The following NLRP14 variants were observed in gnomAD, a reference collection of about 807,000 sequenced individuals.
The protein encoded by NLRP14 is NACHT, LRR and PYD domains-containing protein 14.
Under a neutral mutation model 94.7 loss-of-function variants are expected in NLRP14, and 105 were observed. The observed-to-expected ratio is 1.11, with a 90% CI of 0.95 to 1.30. The LOEUF (loss-of-function observed/expected upper bound fraction) is 1.30. Among genes scored for constraint, NLRP14 ranks in the 50% most tolerant of loss-of-function variants. NLRP14 has a pLI of 0.00. For synonymous variants in NLRP14, 508 were observed against 459.9 expected (o/e 1.10, Z -1.34); for missense variants, 1,362 against 1,254.1 (o/e 1.09, Z -1.30).
At chr11:7,072,008 C>T (rs1308087777), downstream of NLRP14, among the ~76,000 whole-genome samples, 3 of 152,158 alleles carry the variant, frequency 2.0e-5, no homozygotes, top group Admixed American at 6.5e-5. Context: ...GAAACAGATT[C>T]TTTCATTTGG....
rs1264209534 is a variant in NLRP14 at position 7,046,773 on chromosome 11, A to G, written c.2064A>G (p.Ser688=). 4 of 1,613,666 alleles carry G rather than the reference A, an allele frequency of 2.5e-6. No homozygotes were observed. The highest frequency in any genetic ancestry group is 3.4e-6 in the Non-Finnish European group (4 of 1,179,548). Reference sequence around the variant, plus strand: ...TGTACCATAGCAACCTTGATAAATCAGCAATGAATATCCTGCATCATGAAC... The same window carrying G: ...TGTACCATAGCAACCTTGATAAATCGGCAATGAATATCCTGCATCATGAAC... ...LDLYHSNLDK[S]AMNILHHELR... Residue 688 remains serine, a synonymous_variant, in exon 5 of 12, where the codon TCA becomes TCG. Transcript: ENST00000299481.
Position 7,062,488 on chromosome 11 carries a change from A to G in NLRP14, c.2960A>G (p.Asn987Ser), listed in dbSNP as rs748490001. 6.2e-7 allele frequency: 1 copy of G among 1,613,004 alleles called. No individual in the cohort carries two copies. Among genetic ancestry groups the G allele is most frequent in the South Asian group, 1.1e-5 (1 of 91,066 alleles). ...LCDALRYPNC[N>S]IQRLGLEYCG... ...GATGCTTTGAGATATCCAAACTGTA[A>G]CATTCAGAGGCTCGGGTGAGTTCAT... The change falls in exon 10 of 12, where the codon AAC becomes AGC. Residue 987 changes from asparagine to serine, a missense_variant. By Grantham distance (46) the Asn-to-Ser change is conservative. Coordinates refer to ENST00000299481, the MANE Select transcript of NLRP14 (RefSeq NM_176822.4).
intron 6 of NLRP14, among the ~76,000 whole-genome samples, chr11:7,052,632 T>TA (rs200340101): frequency 8.6e-5 from 13 of 150,952 alleles, no homozygotes; most frequent in South Asian, 4.2e-4. Context: ...AGACTGTGTT[T>TA]AAAAAAAAAC....
In NLRP14 at chr11:7,071,171, A is replaced by G; in HGVS notation, c.3147-2A>G. ...AAAAGAGATGTTCCCTTGTTTTCTCAGGTTGTGCAAAGAGGCATTTGATGA... is the reference window on the plus strand; with the variant it reads ...AAAAGAGATGTTCCCTTGTTTTCTCGGGTTGTGCAAAGAGGCATTTGATGA... On this transcript the variant is annotated splice_acceptor_variant, in intron 11 of 11. Transcript: ENST00000299481. LOFTEE classifies it high-confidence loss of function. The G allele has an allele frequency of 3.1e-6, 5 of 1,613,818 alleles. No individual in the cohort carries two copies. The highest frequency in any genetic ancestry group is 2.2e-5 in the East Asian group (1 of 44,852).
chr11:7,075,940 A>G (rs1269774468), downstream of NLRP14, among the ~76,000 whole-genome samples: 2 of 152,140 alleles, frequency 1.3e-5, no homozygotes, highest in African/African-American at 4.8e-5. Flanking sequence ...TTGAGAGCTC[A>G]TCTCTCCTGC....
the NLRP14 span, chr11:7,090,219 C>T: frequency 4.3e-6 from 7 of 1,611,840 alleles, no homozygotes; most frequent in East Asian, 6.7e-5. Context: ...TTCTTACAGC[C>T]GGTCAGGCTG....
In NLRP14 at chr11:7,039,771, A is replaced by G; in HGVS notation, c.347A>G (p.Gln116Arg). Residue 116 changes from glutamine to arginine, a missense_variant, in exon 3 of 12, where the codon CAG becomes CGG. Physicochemically the swap from Gln to Arg is conservative, Grantham distance 43. Transcript: ENST00000299481. Reference sequence around the variant, plus strand: ...AAGGCTGGAGAGACACAAGAAGATCAGGAGGCAGTGCTGGGTGAGTAGTTA... The same window carrying G: ...AAGGCTGGAGAGACACAAGAAGATCGGGAGGCAGTGCTGGGTGAGTAGTTA... The part of the protein sequence containing the change: ...DAKAGETQED[Q>R]EAVLGDGTEY... The G allele has an allele frequency of 6.2e-7, 1 of 1,613,776 alleles. No individual in the cohort carries two copies. Among genetic ancestry groups the G allele is most frequent in the African/African-American group, 1.3e-5 (1 of 75,056 alleles).
chr11:7,061,158 A>T (rs1404327984), intron 9 of NLRP14, among the ~76,000 whole-genome samples: 1 of 152,034 alleles, frequency 6.6e-6, no homozygotes, highest in African/African-American at 2.4e-5. Context: ...TAAACTTCCA[A>T]ATGAGTTTAA....
Position 7,062,391 on chromosome 11 carries a change from A to G in NLRP14, c.2863A>G (p.Asn955Asp). 1 of 1,613,188 alleles carries G rather than the reference A, an allele frequency of 6.2e-7. No homozygotes were observed. ...CCLDLASVILNNPNLRSLDLG... is the reference protein window; with the variant it reads ...CCLDLASVILDNPNLRSLDLG... Reference sequence around the variant, plus strand: ...TCTGGATCTGGCTTCTGTTATTTTGAATAACCCAAACCTGAGGAGCCTGGA... The same window carrying G: ...TCTGGATCTGGCTTCTGTTATTTTGGATAACCCAAACCTGAGGAGCCTGGA... Residue 955 changes from asparagine (N) to aspartate (D), a missense_variant, in exon 10 of 12, where the codon AAT becomes GAT. Coordinates refer to ENST00000299481, the MANE Select transcript of NLRP14 (RefSeq NM_176822.4).
chr11:7,025,662 G>A (rs78927000), intron 1 of NLRP14, among the ~76,000 whole-genome samples: 11 of 152,192 alleles, frequency 7.2e-5, no homozygotes, highest in Non-Finnish European at 1.6e-4. Flanking sequence ...TCTGTGAGGT[G>A]AGTAAAAAAA....
At chr11:7,071,904 C>T (rs1852806041), downstream of NLRP14, among the ~76,000 whole-genome samples, 1 of 152,080 alleles carries the variant, frequency 6.6e-6, no homozygotes, top group Non-Finnish European at 1.5e-5. Context: ...AAATGGGAGT[C>T]TACTTCTACA....
intron 10 of NLRP14, among the ~76,000 whole-genome samples, chr11:7,069,636 A>T (rs1005330099): frequency 7.3e-5 from 11 of 151,450 alleles, no homozygotes; most frequent in Admixed American, 2.0e-4. Flanking sequence ...ATTTTATTTT[A>T]TTTTTTTTGA....
At chr11:7,041,357 T>A (rs972678389) in intron 3 of NLRP14, among the ~76,000 whole-genome samples, 8 of 152,160 alleles carry the variant, frequency 5.3e-5, no homozygotes, top group Non-Finnish European at 1.2e-4. Flanking sequence ...AATCCTACTA[T>A]TCAGAAATAA....
chr11:7,042,955 C>G lies in NLRP14; in HGVS notation c.929C>G (p.Thr310Arg). The change falls in exon 4 of 12, where the codon ACA becomes AGA. Residue 310 changes from threonine to arginine, a missense_variant. Coordinates refer to ENST00000299481, the MANE Select transcript of NLRP14 (RefSeq NM_176822.4). ...EASLLVTTRL[T>R]TSKRLKQLLK... ...TCCTTATTGGTGACAACAAGACTCA[C>G]AACTTCTAAGAGACTAAAGCAGTTG... 1.2e-6 allele frequency: 2 copies of G among 1,614,114 alleles called. No homozygotes were observed. The highest frequency in any genetic ancestry group is 1.7e-6 in the Non-Finnish European group (2 of 1,179,982).
In NLRP14 at chr11:7,040,302, C is replaced by G. The variant is rs551911688; in HGVS notation, c.361+517C>G. Among the ~76,000 whole-genome samples the G allele has an allele frequency of 1.6e-4, 24 of 152,310 alleles. No homozygotes were observed. In the South Asian group the frequency reaches 4.8e-3, roughly 30 times the overall value. On this transcript the variant is annotated intron_variant, in intron 3 of 11. Transcript: ENST00000299481. ...ATAGCAGGAGGTGAGTGGTAGGCCA[C>G]GGGAGCTTTACCACCTGAGCTTCGC...
In NLRP14 at chr11:7,043,843, C is replaced by T. The variant is rs948774395; in HGVS notation, c.1817C>T (p.Ala606Val). The T allele has an allele frequency of 6.2e-7, 1 of 1,614,186 alleles. No individual in the cohort carries two copies. Among genetic ancestry groups the T allele is most frequent in the South Asian group, 1.1e-5 (1 of 91,080 alleles). ...SQAMRCFPKV[A>V]INICEKIHLL... is the part of the protein sequence containing the mutation. ...GCAATGAGATGTTTCCCAAAGGTTG[C>T]CATTAATATTTGTGAGAAAATACAT... Residue 606 changes from alanine (A) to valine (V), a missense_variant, in exon 4 of 12, where the codon GCC becomes GTC. Physicochemically the swap from Ala to Val is moderately conservative, Grantham distance 64. Coordinates refer to ENST00000299481, the MANE Select transcript of NLRP14 (RefSeq NM_176822.4).
chr11:7,076,737 G>C, the NLRP14 span, among the ~76,000 whole-genome samples: 6 of 150,472 alleles, frequency 4.0e-5, no homozygotes, highest in South Asian at 1.3e-3. Context: ...ATTTCCCATC[G>C]CTTGTCTCCC....
chr11:7,061,998 T>C (rs1299473096), intron 9 of NLRP14, among the ~76,000 whole-genome samples: 2 of 152,050 alleles, frequency 1.3e-5, no homozygotes, highest in Non-Finnish European at 2.9e-5. Context: ...CTTAAAGATA[T>C]ATTAAAAACT....
chr11:7,089,004 G>A, the NLRP14 span: 2 of 1,246,712 alleles, frequency 1.6e-6, no homozygotes, highest in East Asian at 2.6e-5. Flanking sequence ...CCGTGGACTC[G>A]GCGACTAGGC....
Sources: allele counts gnomAD v4.1 joint callset (sites outside exome capture counted in the v4.1 genomes callset), GRCh38; gene constraint gnomAD v4.1.1; transcripts MANE v1.5; gene names NCBI Gene and HGNC (gene_info 2026-07-23, HGNC 2026-07-21).